The following ANO3 variants were observed in gnomAD, a reference collection of about 807,000 sequenced individuals.
ANO3 encodes the protein anoctamin-3.
A neutral mutation model predicts 144.8 loss-of-function variants in ANO3; 99 were observed. The ratio of observed to expected loss-of-function variants is 0.68; its 90% confidence interval spans 0.58 to 0.81. The LOEUF is 0.81. ANO3 is among the 30% of genes least tolerant of loss of function. The probability of loss-of-function intolerance (pLI) is 0.00; values close to 1 mark genes in which losing one functional copy is unlikely to be tolerated. For missense variants in ANO3, 905 were observed against 1,202.2 expected (o/e 0.75, Z 3.66); for synonymous variants, 414 against 392.6 (o/e 1.05, Z -0.64).
chr11:26,506,275 A>G (rs1861432705), intron 4 of ANO3, among the ~76,000 whole-genome samples: 1 of 152,248 alleles, frequency 6.6e-6, no homozygotes, highest in Admixed American at 6.5e-5. Flanking sequence ...CTTTTTAAAT[A>G]TAGTGGTCAG....
At chr11:26,580,962 T>A (rs1192086275) in intron 14 of ANO3, among the ~76,000 whole-genome samples, 1 of 152,206 alleles carries the variant, frequency 6.6e-6, no homozygotes, top group Non-Finnish European at 1.5e-5. Flanking sequence ...AAGTTCCTTG[T>A]CTCATTTTGC....
At chr11:26,659,079 T>TACACACACACACAC (rs145583088) in intron 26 of ANO3, among the ~76,000 whole-genome samples, 7 of 147,724 alleles carry the variant, frequency 4.7e-5, no homozygotes, top group Admixed American at 2.0e-4. Flanking sequence ...CCTTGAGCCA[T>TACACACACACACAC]ACACACACAC....
At chr11:26,599,034 A>G in intron 16 of ANO3, 36 bp downstream of exon 16, 1 of 1,604,786 alleles carries the variant, frequency 6.2e-7, no homozygotes, top group African/African-American at 1.3e-5. Flanking sequence ...ATGTTTTGGG[A>G]TTCTAAATTT....
At chr11:26,555,901 C>T (rs112418931) in intron 13 of ANO3, among the ~76,000 whole-genome samples, 1 of 151,914 alleles carries the variant, frequency 6.6e-6, no homozygotes, top group African/African-American at 2.4e-5. Flanking sequence ...GACACATGAT[C>T]TAGGGACTTC....
At chr11:26,244,969 C>T (rs973487999) in intron 1 of ANO3, among the ~76,000 whole-genome samples, 1 of 134,084 alleles carries the variant, frequency 7.5e-6, no homozygotes, top group Admixed American at 8.1e-5. Flanking sequence ...GTCTTCTGGT[C>T]TCCTGGTGTG....
chr11:26,275,910 A>T (rs553870278), intron 1 of ANO3, among the ~76,000 whole-genome samples: 1 of 152,230 alleles, frequency 6.6e-6, no homozygotes, highest in African/African-American at 2.4e-5. Context: ...TGTGACTTTA[A>T]ATGAGTCACT....
chr11:26,219,412 TGAA>T (rs1476383116), intron 1 of ANO3, among the ~76,000 whole-genome samples: 1 of 152,202 alleles, frequency 6.6e-6, no homozygotes, highest in South Asian at 2.1e-4. Context: ...TTTGTTTTAT[TGAA>T]GAAGAACTCT....
chr11:26,638,672 G>A (rs777825260), intron 20 of ANO3, among the ~76,000 whole-genome samples: 6 of 152,178 alleles, frequency 3.9e-5, no homozygotes, highest in East Asian at 1.9e-4. Context: ...TGTATGGAGC[G>A]ACAGCTAGAA....
intron 1 of ANO3, among the ~76,000 whole-genome samples, chr11:26,228,122 GT>G (rs1402551518): frequency 6.6e-6 from 1 of 152,144 alleles, no homozygotes; most frequent in Non-Finnish European, 1.5e-5. Context: ...AAACTTTGTG[GT>G]TTGCATCTTG....
At chr11:26,208,754 A>C (rs1383085234) in intron 1 of ANO3, among the ~76,000 whole-genome samples, 1 of 152,192 alleles carries the variant, frequency 6.6e-6, no homozygotes, top group Non-Finnish European at 1.5e-5. Context: ...AAAAGAAAAT[A>C]AAAAACCTAG....
chr11:26,534,559 G>A lies in ANO3; in HGVS notation c.973G>A (p.Val325Met), dbSNP rs1849455401. 1 of 1,603,686 alleles carries A rather than the reference G, an allele frequency of 6.2e-7. No homozygotes were observed. Among genetic ancestry groups the A allele is most frequent in the South Asian group, 1.1e-5 (1 of 90,736 alleles). ...RTKYENGISK[V>M]GIRKLINNGS... ...CAAATATGAAAATGGAATATCAAAA[G>A]TGGGTAAGAACATTAATTAATAACA... Residue 325 changes from valine (V) to methionine (M), a missense_variant, in exon 9 of 27, where the codon GTG (valine) becomes ATG (methionine). Physicochemically the swap from Val to Met is conservative, Grantham distance 21 (BLOSUM62 1). Transcript: ENST00000256737.
At chr11:26,228,820 G>A (rs1270194849) in intron 1 of ANO3, among the ~76,000 whole-genome samples, 1 of 152,176 alleles carries the variant, frequency 6.6e-6, no homozygotes, top group Admixed American at 6.5e-5. Context: ...ATGAACAGCT[G>A]AAGACCCACT....
intron 24 of ANO3, among the ~76,000 whole-genome samples, chr11:26,655,545 A>G (rs576960505): frequency 1.4e-4 from 21 of 152,236 alleles, no homozygotes; most frequent in South Asian, 1.2e-3. Context: ...CACTTACTGC[A>G]TTTTAACATT....
intron 1 of ANO3, among the ~76,000 whole-genome samples, chr11:26,261,671 A>C (rs1347828027): frequency 6.6e-6 from 1 of 152,208 alleles, no homozygotes; most frequent in Non-Finnish European, 1.5e-5. Flanking sequence ...ACCAAGGCAA[A>C]CTGTTTCATT....
At chr11:26,476,903 A>ATGTGTGTATG (rs1359866911) in intron 4 of ANO3, among the ~76,000 whole-genome samples, 2 of 141,426 alleles carry the variant, frequency 1.4e-5, no homozygotes, top group Non-Finnish European at 3.1e-5. Flanking sequence ...GTGTGTGTGT[A>ATGTGTGTATG]TGTGTGTGTG....
At chr11:26,236,067 T>TTGTTGGATCAAAATGAAAATATTA (rs1852515494) in intron 1 of ANO3, among the ~76,000 whole-genome samples, 1 of 152,160 alleles carries the variant, frequency 6.6e-6, no homozygotes, top group African/African-American at 2.4e-5. Flanking sequence ...TACATACCAG[T>TTGTTGGATCAAAATGAAAATATTA]ATACTGACTG....
chr11:26,313,375 T>C (rs1225860024), intron 1 of ANO3, among the ~76,000 whole-genome samples: 1 of 152,154 alleles, frequency 6.6e-6, no homozygotes, highest in Non-Finnish European at 1.5e-5. Flanking sequence ...TTAGAGTCTC[T>C]TAATTTTTAT....
In ANO3 at chr11:26,324,524, A is replaced by G. The variant is rs146737710; in HGVS notation, c.-3+14805A>G. Among the ~76,000 whole-genome samples the G allele has an allele frequency of 6.3e-4, 96 of 152,358 alleles. 1 individual carries two copies. Among genetic ancestry groups the G allele is most frequent in the African/African-American group, 2.1e-3 (87 of 41,598 alleles). ...TGACTGGACAACACAAAGAATATAC[A>G]CTTTTAAAAATGAGCCCAAGCCAAA... is the stretch of plus-strand genomic sequence containing the variant. On this transcript the variant is annotated intron_variant, in intron 1 of 26. Transcript: ENST00000525139.
chr11:26,412,339 G>T (rs756768873), intron 1 of ANO3, among the ~76,000 whole-genome samples: 1 of 151,926 alleles, frequency 6.6e-6, no homozygotes, highest in Non-Finnish European at 1.5e-5. Flanking sequence ...CTTAATGAAT[G>T]TAATTGTCAT....
Sources: allele counts gnomAD v4.1 joint callset (sites outside exome capture counted in the v4.1 genomes callset), GRCh38; gene constraint gnomAD v4.1.1; transcripts MANE v1.5; gene names NCBI Gene and HGNC (gene_info 2026-07-23, HGNC 2026-07-21).